The following RGS8 variants were observed in gnomAD, a reference collection of about 807,000 sequenced individuals.
RGS8 encodes regulator of G-protein signaling 8.
Under a neutral mutation model 21.7 loss-of-function variants are expected in RGS8, and 8 were observed. That is an observed-to-expected ratio of 0.37 (90% CI 0.22 to 0.66). The LOEUF (loss-of-function observed/expected upper bound fraction) is 0.66, where lower values mean the gene tolerates loss of function less well. Among genes scored for constraint, RGS8 ranks in the 30% least tolerant of loss-of-function variants. The pLI, the probability that RGS8 is intolerant of heterozygous loss-of-function variation, is 0.59. For missense variants in RGS8, 157 were observed against 217.9 expected, an observed-to-expected ratio of 0.72 and a Z score of 1.76; for synonymous variants, 80 against 83.6, an observed-to-expected ratio of 0.96 and a Z score of 0.24.
intron 6 of RGS8, among the ~76,000 whole-genome samples, 166 bp downstream of exon 7, chr1:182,647,971 T>C (rs1662783715): frequency 6.6e-6 from 1 of 152,178 alleles, no homozygotes; most frequent in Non-Finnish European, 1.5e-5. Flanking sequence ...AAACCCTGGG[T>C]TTCAGTTTCT....
intron 1 of RGS8, among the ~76,000 whole-genome samples, chr1:182,682,079 G>GA (rs1664553181): frequency 6.6e-6 from 1 of 152,174 alleles, no homozygotes; most frequent in South Asian, 2.1e-4. Flanking sequence ...GGACAAAGAA[G>GA]AAACCAGAAA....
intron 3 of RGS8, 98 bp from the exon 5 acceptor site, chr1:182,667,071 A>G: frequency 1.1e-6 from 1 of 932,392 alleles, no homozygotes; most frequent in Non-Finnish European, 1.8e-6. Context: ...GGGAGCCAGC[A>G]CTGCCCCCAC....
the RGS8 span, among the ~76,000 whole-genome samples, chr1:182,727,780 T>C: frequency 6.6e-6 from 1 of 152,164 alleles, no homozygotes; most frequent in Non-Finnish European, 1.5e-5. Flanking sequence ...TCATTATGCA[T>C]ATTAATCTGC....
chr1:182,659,612 T>G (rs2102423587), intron 5 of RGS8, among the ~76,000 whole-genome samples: 1 of 152,182 alleles, frequency 6.6e-6, no homozygotes, highest in East Asian at 1.9e-4. Flanking sequence ...GGCAGGAGAA[T>G]CGCTTGAACC....
chr1:182,643,371 C>T (rs1048226792), downstream of RGS8: 2 of 139,936 alleles, frequency 1.4e-5, no homozygotes, highest in African/African-American at 5.2e-5. Context: ...AGACTCAATG[C>T]TTCCTAAGTT....
chr1:182,686,516 A>G (rs1664712333), upstream of RGS8, among the ~76,000 whole-genome samples: 1 of 152,160 alleles, frequency 6.6e-6, no homozygotes, highest in South Asian at 2.1e-4. Context: ...TCTGTGAAGG[A>G]TAGGGTGAGC....
chr1:182,748,604 C>CT, the RGS8 span, among the ~76,000 whole-genome samples: 1 of 152,140 alleles, frequency 6.6e-6, no homozygotes, highest in Non-Finnish European at 1.5e-5. Flanking sequence ...ATTTCAATTT[C>CT]TTTGGATATA....
chr1:182,685,310 G>A (rs945325011), upstream of RGS8, among the ~76,000 whole-genome samples: 3 of 152,170 alleles, frequency 2.0e-5, no homozygotes, highest in Non-Finnish European at 2.9e-5. Flanking sequence ...TGGAGAGTCA[G>A]GACAAAACCT....
chr1:182,748,733 G>C, the RGS8 span, among the ~76,000 whole-genome samples: 4 of 152,054 alleles, frequency 2.6e-5, no homozygotes, highest in African/African-American at 4.8e-5. Context: ...AGTATATAAG[G>C]GTTCCCTTTT....
chr1:182,659,624 G>A (rs528226503), intron 5 of RGS8, among the ~76,000 whole-genome samples: 1 of 152,182 alleles, frequency 6.6e-6, no homozygotes, highest in African/African-American at 2.4e-5. Flanking sequence ...GCTTGAACCC[G>A]GGAGGCAAAG....
At chr1:182,742,606 G>C in the RGS8 span, among the ~76,000 whole-genome samples, 1 of 152,246 alleles carries the variant, frequency 6.6e-6, no homozygotes, top group Non-Finnish European at 1.5e-5. Context: ...AGGCGTGGTG[G>C]CGCGCGCCTG....
At chr1:182,698,413 G>A in the RGS8 span, among the ~76,000 whole-genome samples, 1 of 152,164 alleles carries the variant, frequency 6.6e-6, no homozygotes. Context: ...CTCAGTTTCT[G>A]CATCTGTAAA....
intron 1 of RGS8, among the ~76,000 whole-genome samples, chr1:182,679,851 AACCT>A (rs1174594225): frequency 6.6e-6 from 1 of 151,922 alleles, no homozygotes; most frequent in Admixed American, 6.6e-5. Context: ...CACACATATA[AACCT>A]TGGCTTCCTC....
At chr1:182,692,166 A>G in the RGS8 span, among the ~76,000 whole-genome samples, 1 of 151,876 alleles carries the variant, frequency 6.6e-6, no homozygotes, top group African/African-American at 2.4e-5. Context: ...CCACCACACC[A>G]GCTAATTTTT....
intron 5 of RGS8, among the ~76,000 whole-genome samples, chr1:182,660,658 G>A (rs1405684012): frequency 1.3e-5 from 2 of 149,450 alleles, no homozygotes; most frequent in Non-Finnish European, 3.0e-5. Flanking sequence ...GCTTCCATAC[G>A]AGATACAGTC....
At chr1:182,682,452 G>GA (rs1271730796) in intron 1 of RGS8, among the ~76,000 whole-genome samples, 1 of 151,950 alleles carries the variant, frequency 6.6e-6, no homozygotes, top group Non-Finnish European at 1.5e-5. Flanking sequence ...ACTTCCTCGA[G>GA]TTTTTTTTAC....
chr1:182,721,051 ATATATATGTGTG>A, the RGS8 span, among the ~76,000 whole-genome samples: 2 of 88,412 alleles, frequency 2.3e-5, no homozygotes, highest in East Asian at 3.3e-4. Context: ...ATATACATAC[ATATATATGTGTG>A]TATATATACA....
At chr1:182,670,007 C>T (rs899349666) in intron 2 of RGS8, among the ~76,000 whole-genome samples, 10 of 152,242 alleles carry the variant, frequency 6.6e-5, no homozygotes, top group Admixed American at 1.3e-4. Context: ...TAAAGTGGAA[C>T]GTGTGCCTCA....
At chr1:182,695,114 T>G in the RGS8 span, among the ~76,000 whole-genome samples, 2 of 152,070 alleles carry the variant, frequency 1.3e-5, no homozygotes, top group Non-Finnish European at 2.9e-5. Flanking sequence ...ATTGCATACG[T>G]GAAACAATAA....
Sources: allele counts gnomAD v4.1 joint callset (sites outside exome capture counted in the v4.1 genomes callset), GRCh38; gene constraint gnomAD v4.1.1; transcripts MANE v1.5; gene names NCBI Gene and HGNC (gene_info 2026-07-23, HGNC 2026-07-21).